The following TJP1 variants were observed in gnomAD, a reference collection of about 807,000 sequenced individuals.
TJP1 encodes tight junction protein 1, also known as tight junction protein ZO-1.
A neutral mutation model predicts 194.2 loss-of-function variants in TJP1; 43 were observed. That is an observed-to-expected ratio of 0.22 (90% confidence interval 0.17 to 0.29). The LOEUF (loss-of-function observed/expected upper bound fraction) is 0.29, where lower values mean the gene tolerates loss of function less well. TJP1 is among the 10% of genes least tolerant of loss of function. The pLI is 1.00. For missense variants in TJP1, 1,971 were observed against 2,185.7 expected (o/e 0.90, Z 1.96); for synonymous variants, 801 against 779.0 (o/e 1.03, Z -0.47).
At chr15:29,774,066 T>C (rs1416514696) in intron 2 of TJP1, among the ~76,000 whole-genome samples, 1 of 152,212 alleles carries the variant, frequency 6.6e-6, no homozygotes, top group African/African-American at 2.4e-5. Flanking sequence ...GAAATCACTA[T>C]TCCCTAGAAA....
chr15:29,793,091 C>G (rs182348353), intron 2 of TJP1, among the ~76,000 whole-genome samples: 1 of 152,120 alleles, frequency 6.6e-6, no homozygotes, highest in South Asian at 2.1e-4. Context: ...AATTTGGATG[C>G]CTTTTCTTTT....
intron 2 of TJP1, among the ~76,000 whole-genome samples, chr15:29,935,588 C>T (rs186345861): frequency 3.9e-5 from 6 of 152,248 alleles, no homozygotes; most frequent in African/African-American, 2.4e-5. Flanking sequence ...CTGATCCCTG[C>T]CCCATTCCTA....
intron 12 of TJP1, among the ~76,000 whole-genome samples, 198 bp downstream of exon 12, chr15:29,734,076 A>G (rs2043851162): frequency 1.3e-5 from 2 of 152,182 alleles, no homozygotes; most frequent in South Asian, 4.1e-4. Flanking sequence ...GGTTAGTCCT[A>G]TTAGCATGCT....
intron 25 of TJP1, among the ~76,000 whole-genome samples, chr15:29,705,962 C>T (rs1187870416): frequency 1.3e-5 from 2 of 152,216 alleles, no homozygotes; most frequent in South Asian, 2.1e-4. Flanking sequence ...GACAGAGTCT[C>T]ACTCTGTCGC....
chr15:29,786,406 C>A (rs946318018), intron 2 of TJP1, among the ~76,000 whole-genome samples: 3 of 152,090 alleles, frequency 2.0e-5, no homozygotes, highest in Non-Finnish European at 4.4e-5. Context: ...AAATTACCTA[C>A]CCTTTATTTT....
chr15:29,790,513 C>G (rs2048003412), intron 2 of TJP1, among the ~76,000 whole-genome samples: 1 of 152,056 alleles, frequency 6.6e-6, no homozygotes, highest in Admixed American at 6.6e-5. Flanking sequence ...ATATTCATAA[C>G]CTCAAGTATT....
At chr15:29,799,393 A>T (rs2151874498) in intron 2 of TJP1, among the ~76,000 whole-genome samples, 1 of 151,896 alleles carries the variant, frequency 6.6e-6, no homozygotes, top group Non-Finnish European at 1.5e-5. Context: ...TAAAAAGTTG[A>T]CTATATCTTA....
At chr15:29,946,263 A>C (rs2055278719) in intron 2 of TJP1, among the ~76,000 whole-genome samples, 1 of 152,252 alleles carries the variant, frequency 6.6e-6, no homozygotes, top group Non-Finnish European at 1.5e-5. Context: ...AATGAATGAA[A>C]GGAATATGAA....
chr15:29,955,034 C>T (rs986576074), intron 2 of TJP1, among the ~76,000 whole-genome samples: 2 of 151,748 alleles, frequency 1.3e-5, no homozygotes, highest in South Asian at 2.1e-4. Context: ...GAGCCGAGAT[C>T]GTGCCACTGC....
chr15:29,813,121 T>G (rs968282990), intron 1 of TJP1, among the ~76,000 whole-genome samples: 5 of 152,200 alleles, frequency 3.3e-5, no homozygotes, highest in Non-Finnish European at 7.3e-5. Context: ...TTCCCCTGAT[T>G]GTGGCTTTTG....
chr15:29,737,442 CAGTTA>C, intron 10 of TJP1, 28 bp from the exon 11 acceptor site: 1 of 1,613,676 alleles, frequency 6.2e-7, no homozygotes, highest in Non-Finnish European at 8.5e-7. Context: ...TCATTTGAAA[CAGTTA>C]AGAAGAGCTT....
intron 2 of TJP1, among the ~76,000 whole-genome samples, chr15:29,799,571 C>G (rs1298039029): frequency 6.6e-6 from 1 of 151,966 alleles, no homozygotes; most frequent in East Asian, 1.9e-4. Context: ...CCCGCCACCA[C>G]GCCTGGCTAA....
chr15:29,935,652 T>C (rs1247768288), intron 2 of TJP1, among the ~76,000 whole-genome samples: 1 of 152,016 alleles, frequency 6.6e-6, no homozygotes, highest in African/African-American at 2.4e-5. Flanking sequence ...CCCCTGCCAA[T>C]CTCTTAAATG....
chr15:29,833,857 G>GTATATATATATATATATATATA (rs71416436), intron 2 of TJP1, among the ~76,000 whole-genome samples: 7 of 25,860 alleles, frequency 2.7e-4, no homozygotes, highest in South Asian at 2.0e-3. Context: ...ATTTTTGTAA[G>GTATATATATATATATATATATA]TATATATATA....
chr15:29,910,841 G>A (rs576367681), intron 2 of TJP1, among the ~76,000 whole-genome samples: 1 of 152,220 alleles, frequency 6.6e-6, no homozygotes, highest in Non-Finnish European at 1.5e-5. Context: ...TATGTGATGG[G>A]GTAAACTAAA....
chr15:29,939,117 T>G (rs1596292913), intron 2 of TJP1, among the ~76,000 whole-genome samples: 1 of 152,346 alleles, frequency 6.6e-6, no homozygotes, highest in Non-Finnish European at 1.5e-5. Flanking sequence ...CAACAGCTTG[T>G]GTCTGCATAA....
intron 2 of TJP1, among the ~76,000 whole-genome samples, chr15:29,849,088 G>A (rs1489406116): frequency 6.6e-6 from 1 of 152,032 alleles, no homozygotes; most frequent in Non-Finnish European, 1.5e-5. Context: ...GAACCAAAAT[G>A]AAACTTTAAA....
chr15:29,798,990 G>C (rs978153178), intron 2 of TJP1, among the ~76,000 whole-genome samples: 5 of 152,180 alleles, frequency 3.3e-5, no homozygotes, highest in African/African-American at 1.2e-4. Context: ...TGGTTAAGTG[G>C]ACGTGAGGGG....
At chr15:29,965,163 C>G (rs1002715382) in intron 1 of TJP1, among the ~76,000 whole-genome samples, 3 of 151,672 alleles carry the variant, frequency 2.0e-5, no homozygotes, top group African/African-American at 7.3e-5. Flanking sequence ...TATGCCTTGA[C>G]CAGTTTTCAT....
Sources: gnomAD v4.1 joint callset for allele counts (sites outside exome capture counted in the v4.1 genomes callset) on GRCh38, gnomAD v4.1.1 for gene constraint, MANE v1.5 for transcripts, NCBI Gene and HGNC (gene_info 2026-07-23, HGNC 2026-07-21) for gene names.